Variants in WDR64 observed in about 807,000 individuals in gnomAD.
WDR64 encodes the protein WD repeat-containing protein 64.
Under a neutral mutation model 139.3 loss-of-function variants are expected in WDR64, and 112 were observed. The ratio of observed to expected loss-of-function variants is 0.80; its 90% CI spans 0.69 to 0.94. WDR64 has a LOEUF of 0.94. Ranked by LOEUF, WDR64 falls within the 40% of genes least tolerant of loss-of-function variation. The pLI is 0.00. For synonymous variants in WDR64, 444 were observed against 437.7 expected, an observed-to-expected ratio of 1.01 and a Z score of -0.18; for missense variants, 1,206 against 1,293.1, an observed-to-expected ratio of 0.93 and a Z score of 1.03.
chr1:241,726,321 GC>G (rs1339827551), intron 10 of WDR64, among the ~76,000 whole-genome samples: 1 of 152,072 alleles, frequency 6.6e-6, no homozygotes, highest in Non-Finnish European at 1.5e-5. Flanking sequence ...TGTAATCCTG[GC>G]ACTTTGGGAG....
At position 241,746,813 on chromosome 1, in the gene WDR64, A is replaced by G. The variant is rs6659665; in HGVS notation, c.1594+2297A>G. ...TGCTTTGTCACCCAGGCTGGAGTGC[A>G]GGGGCGCAGGGTCTCGGCTCACTGC... On this transcript the variant is annotated intron_variant, in intron 13 of 27. Transcript: ENST00000437684. Among the ~76,000 whole-genome samples the G allele has an allele frequency of 4.7e-3, 704 of 148,934 alleles. 6 individuals are homozygous for G. The highest frequency in any genetic ancestry group is 0.017 in the African/African-American group (673 of 39,984).
chr1:241,692,012 C>CAAAA (rs1159220485), intron 8 of WDR64, among the ~76,000 whole-genome samples: 2 of 139,838 alleles, frequency 1.4e-5, no homozygotes, highest in African/African-American at 5.4e-5. Flanking sequence ...GACTCCATCT[C>CAAAA]AAAAAAATAA....
chr1:241,752,401 CCTT>C (rs137911161), intron 14 of WDR64, among the ~76,000 whole-genome samples: 3,564 of 152,258 alleles, frequency 0.023, 64 homozygotes, highest in Middle Eastern at 0.065. Context: ...TTTCCCATCT[CCTT>C]CTCCCTCATG....
At chr1:241,786,331 A>G (rs1659035944) in intron 23 of WDR64, among the ~76,000 whole-genome samples, 1 of 152,196 alleles carries the variant, frequency 6.6e-6, no homozygotes, top group Non-Finnish European at 1.5e-5. Context: ...TCATTGCTGC[A>G]GGGCTCATGA....
At chr1:241,795,073 C>G (rs1183867517) in intron 25 of WDR64, 134 bp from the exon 26 acceptor site, 2 of 677,870 alleles carry the variant, frequency 3.0e-6, no homozygotes, top group African/African-American at 3.6e-5. Context: ...TTATTTGATT[C>G]TCATAACTAG....
chr1:241,658,999 C>T (rs1434285371), intron 1 of WDR64, among the ~76,000 whole-genome samples: 1 of 151,818 alleles, frequency 6.6e-6, no homozygotes, highest in East Asian at 1.9e-4. Flanking sequence ...CAGATCATCC[C>T]ATCACCAGGT....
Position 241,749,716 on chromosome 1 carries a change from G to C in WDR64, c.1764G>C (p.Met588Ile). ...LALERNGTIK[M>I]IQGKEDDIYL... ...TGGAGCGCAACGGGACTATCAAAAT[G>C]ATCCAGGTTTACAATCCCACTTCAT... The change falls in exon 14 of 28, where the codon ATG (methionine) becomes ATC (isoleucine). Residue 588 changes from methionine (M) to isoleucine (I), a missense_variant. Transcript: ENST00000437684. 3.7e-6 allele frequency: 6 copies of C among 1,613,832 alleles called. No homozygotes were observed. The highest frequency in any genetic ancestry group is 4.2e-6 in the Non-Finnish European group (5 of 1,179,882).
Position 241,679,609 on chromosome 1 carries a change from A to G in WDR64, c.624+14A>G. ...GGGAGCAGCCAGGTATTGTGCCAAG[A>G]GAAATACTCAAAGAAATGAGATTGT... is the stretch of plus-strand genomic sequence containing the variant. On this transcript the variant is annotated intron_variant, in intron 6 of 27. Coordinates refer to ENST00000437684, the MANE Select transcript of WDR64 (RefSeq NM_001367482.1). The G allele has an allele frequency of 6.5e-7, 1 of 1,546,036 alleles. No individual in the cohort carries two copies. The highest frequency in any genetic ancestry group is 1.2e-5 in the South Asian group (1 of 83,902).
At chr1:241,792,236 A>G (rs994678669) in intron 25 of WDR64, among the ~76,000 whole-genome samples, 4 of 152,114 alleles carry the variant, frequency 2.6e-5, no homozygotes, top group African/African-American at 7.2e-5. Context: ...TGTAATACAT[A>G]GGAAGGTTAG....
At chr1:241,738,756 T>C (rs1669423642) in intron 11 of WDR64, among the ~76,000 whole-genome samples, 1 of 152,236 alleles carries the variant, frequency 6.6e-6, no homozygotes, top group Admixed American at 6.5e-5. Flanking sequence ...AAAGTTCTAT[T>C]TGAGTAATTC....
chr1:241,654,650 T>G (rs1558455419), intron 1 of WDR64, among the ~76,000 whole-genome samples: 1 of 151,470 alleles, frequency 6.6e-6, no homozygotes, highest in Admixed American at 6.6e-5. Context: ...ACTAGTTTCC[T>G]AAGCCAGATA....
chr1:241,788,109 A>T lies in WDR64; in HGVS notation c.2891+75A>T, dbSNP rs1574097972. On this transcript the variant is annotated intron_variant, in intron 24 of 27. Coordinates refer to ENST00000437684, the MANE Select transcript of WDR64 (RefSeq NM_001367482.1). ...GAGATGCTGTGGCACTGTCCTTGAG[A>T]TGGAGAATTCAAGGCAAGAGGTCCA... 1.2e-5 allele frequency: 16 copies of T among 1,332,766 alleles called. No homozygotes were observed. The East Asian group carries it at 4.1e-4, about 34-fold the overall frequency. 82.6% of individuals were successfully genotyped at this position (1,332,766 alleles called of 1,614,324 possible).
chr1:241,764,602 A>G (rs1008947134), intron 15 of WDR64, among the ~76,000 whole-genome samples: 1 of 152,106 alleles, frequency 6.6e-6, no homozygotes, highest in Admixed American at 6.5e-5. Context: ...TCGAGGTTGT[A>G]GTGAGCTATG....
At chr1:241,796,161 C>G in intron 26 of WDR64, 96 bp from the exon 27 acceptor site, 1 of 623,042 alleles carries the variant, frequency 1.6e-6, no homozygotes, top group South Asian at 3.1e-5. Context: ...TATTTTGAAG[C>G]AGCTGGGCCT....
intron 4 of WDR64, among the ~76,000 whole-genome samples, chr1:241,675,853 T>C (rs1255608046): frequency 2.0e-5 from 3 of 152,236 alleles, no homozygotes; most frequent in Admixed American, 2.0e-4. Flanking sequence ...AAGGCTTTGC[T>C]GTTATCAATG....
intron 2 of WDR64, among the ~76,000 whole-genome samples, chr1:241,664,988 G>C (rs995785132): frequency 3.9e-5 from 6 of 152,056 alleles, no homozygotes; most frequent in African/African-American, 1.2e-4. Flanking sequence ...CTTGAGCCCA[G>C]GAGTTTGAGA....
chr1:241,749,635 A>G lies in WDR64; in HGVS notation c.1683A>G (p.Leu561=). ...ACTGGAAGGAGGACGAGCACTGCCT[A>G]CGACGCCTCATTTTCCTCAAAGCCC... is the stretch of plus-strand genomic sequence containing the variant. ...GKDWKEDEHC[L]RRLIFLKAQE... The change falls in exon 14 of 28, where the codon CTA becomes CTG. Residue 561 remains leucine, a synonymous_variant. Coordinates refer to ENST00000437684, the MANE Select transcript of WDR64 (RefSeq NM_001367482.1). 9 of 1,614,130 alleles carry G rather than the reference A, an allele frequency of 5.6e-6. No homozygotes were observed. Among genetic ancestry groups the G allele is most frequent in the Non-Finnish European group, 7.6e-6 (9 of 1,180,022 alleles).
chr1:241,706,998 C>T (rs1487539734), intron 8 of WDR64, among the ~76,000 whole-genome samples: 1 of 152,052 alleles, frequency 6.6e-6, no homozygotes, highest in Non-Finnish European at 1.5e-5. Flanking sequence ...TCCTGTTGTG[C>T]ATGTTGGCTG....
chr1:241,702,848 GTTTTCAT>G (rs1312680483), intron 8 of WDR64, among the ~76,000 whole-genome samples: 2 of 152,190 alleles, frequency 1.3e-5, no homozygotes, highest in African/African-American at 4.8e-5. Context: ...ATCTATGATT[GTTTTCAT>G]GCTACAGTGG....
Sources: allele counts gnomAD v4.1 joint callset (sites outside exome capture counted in the v4.1 genomes callset), GRCh38; gene constraint gnomAD v4.1.1; transcripts MANE v1.5; gene names NCBI Gene and HGNC (gene_info 2026-07-23, HGNC 2026-07-21).